The following EDARADD variants were observed in gnomAD, a reference collection of about 807,000 sequenced individuals.
EDARADD encodes the protein ectodysplasin-A receptor-associated adapter protein.
In EDARADD, 20 loss-of-function variants were observed where a neutral mutation model predicts 25.6. The observed-to-expected ratio is 0.78, with a 90% CI of 0.55 to 1.14. The LOEUF is 1.14. EDARADD is among the 50% of genes most tolerant of loss of function. The pLI is 0.00. For missense variants in EDARADD, 225 were observed against 270.1 expected, an observed-to-expected ratio of 0.83 and a Z score of 1.17; for synonymous variants, 86 against 94.4, an observed-to-expected ratio of 0.91 and a Z score of 0.52.
intron 3 of EDARADD, among the ~76,000 whole-genome samples, chr1:236,359,137 C>T (rs1485825751): frequency 6.6e-6 from 1 of 152,110 alleles, no homozygotes; most frequent in Non-Finnish European, 1.5e-5. Context: ...TTTTTGGAAC[C>T]TTTTTGTCCT....
At chr1:236,464,811 C>T (rs1278345708) in intron 4 of EDARADD, among the ~76,000 whole-genome samples, 1 of 152,142 alleles carries the variant, frequency 6.6e-6, no homozygotes, top group Admixed American at 6.6e-5. Flanking sequence ...CCTTTCGTTC[C>T]TTCCTCTGCC....
chr1:236,377,671 A>G (rs944641929), intron 3 of EDARADD, among the ~76,000 whole-genome samples: 10 of 151,326 alleles, frequency 6.6e-5, no homozygotes, highest in Admixed American at 5.3e-4. Flanking sequence ...CATCCTGGCC[A>G]ACATGGTGAA....
At chr1:236,468,552 G>A (rs1048833876) in intron 5 of EDARADD, among the ~76,000 whole-genome samples, 13 of 151,970 alleles carry the variant, frequency 8.6e-5, no homozygotes, top group African/African-American at 1.9e-4. Flanking sequence ...CCCGGGAGGC[G>A]GAGGTTGCAG....
intron 3 of EDARADD, among the ~76,000 whole-genome samples, chr1:236,426,038 C>T (rs192896285): frequency 1.8e-3 from 280 of 151,940 alleles, no homozygotes; most frequent in African/African-American, 6.4e-3. Context: ...AGTGCAGTGG[C>T]ATGATCGATC....
intron 3 of EDARADD, among the ~76,000 whole-genome samples, chr1:236,369,594 C>A (rs915906743): frequency 5.9e-5 from 9 of 152,086 alleles, no homozygotes; most frequent in African/African-American, 1.2e-4. Flanking sequence ...GTAATCCCAG[C>A]ACTTTGGGGG....
intron 4 of EDARADD, among the ~76,000 whole-genome samples, chr1:236,466,355 C>T (rs745825195): frequency 8.6e-5 from 13 of 151,944 alleles, no homozygotes; most frequent in Non-Finnish European, 1.6e-4. Context: ...GATTTCTATC[C>T]GTTCAGAGAC....
chr1:236,466,597 G>A (rs1160314287), intron 4 of EDARADD, among the ~76,000 whole-genome samples: 1 of 152,140 alleles, frequency 6.6e-6, no homozygotes, highest in Non-Finnish European at 1.5e-5. Context: ...AGATTACTTA[G>A]GAGAAAAGTC....
intron 3 of EDARADD, among the ~76,000 whole-genome samples, chr1:236,368,774 T>G (rs941970208): frequency 3.9e-5 from 6 of 152,184 alleles, no homozygotes; most frequent in Non-Finnish European, 7.3e-5. Context: ...TTTTACCTCT[T>G]GTTAGTCTTG....
chr1:236,371,224 T>C (rs1316923202), intron 3 of EDARADD, among the ~76,000 whole-genome samples: 1 of 152,222 alleles, frequency 6.6e-6, no homozygotes, highest in Non-Finnish European at 1.5e-5. Context: ...AATTCTACTT[T>C]TTCATTGCTG....
At chr1:236,361,635 T>TTATATATATATATATATATA (rs146661697) in intron 3 of EDARADD, among the ~76,000 whole-genome samples, 2,025 of 134,026 alleles carry the variant, frequency 0.015, 47 homozygotes, top group East Asian at 0.034. Flanking sequence ...CAGCCAAATT[T>TTATATATATATATATATATA]TATATATATA....
In EDARADD at chr1:236,453,463, G is replaced by A. The variant is rs974143261; in HGVS notation, c.220-14768G>A. On this transcript the variant is annotated intron_variant, in intron 4 of 5. Coordinates refer to ENST00000334232, the MANE Select transcript of EDARADD (RefSeq NM_145861.4). The stretch of plus-strand genomic sequence containing the variant: ...AGGTTAATTATTGTATTTCTAGTAG[G>A]GATGGGGTTTCGACACATTGGCTGG... Among the ~76,000 whole-genome samples the A allele has an allele frequency of 3.9e-5, 6 of 151,950 alleles. No individual in the cohort carries two copies. The South Asian group carries it at 1.2e-3, about 32-fold the overall frequency.
intron 4 of EDARADD, among the ~76,000 whole-genome samples, chr1:236,436,369 C>G (rs1041772474): frequency 5.9e-5 from 9 of 152,170 alleles, no homozygotes; most frequent in Middle Eastern, 3.4e-3. Context: ...ACCATATCGG[C>G]CAGACTGGTC....
At chr1:236,350,615 T>A (rs1287632622) in intron 2 of EDARADD, 1 of 152,240 alleles carries the variant, frequency 6.6e-6, no homozygotes, top group Non-Finnish European at 1.5e-5. Context: ...GCGGTTGGCT[T>A]GGTAGACAGA....
chr1:236,377,721 G>T (rs1572115689), intron 3 of EDARADD, among the ~76,000 whole-genome samples: 2 of 151,856 alleles, frequency 1.3e-5, no homozygotes, highest in South Asian at 4.2e-4. Flanking sequence ...AGCTGGGCAT[G>T]GTGGCGCATG....
chr1:236,369,870 A>T (rs911509250), intron 3 of EDARADD, among the ~76,000 whole-genome samples: 3 of 151,906 alleles, frequency 2.0e-5, no homozygotes, highest in African/African-American at 7.3e-5. Context: ...AAAAATTGTT[A>T]TCATATTTCA....
intron 3 of EDARADD, among the ~76,000 whole-genome samples, chr1:236,376,257 T>C (rs1667225001): frequency 6.6e-6 from 1 of 152,172 alleles, no homozygotes; most frequent in African/African-American, 2.4e-5. Context: ...TTTCGAAAGA[T>C]CTTCCTTTCT....
intron 1 of EDARADD, among the ~76,000 whole-genome samples, chr1:236,396,640 G>T (rs991848432): frequency 2.0e-5 from 3 of 152,012 alleles, no homozygotes; most frequent in Non-Finnish European, 4.4e-5. Flanking sequence ...AACTAAGTTG[G>T]CATTGTGATG....
intron 5 of EDARADD, among the ~76,000 whole-genome samples, chr1:236,475,719 G>A (rs933276826): frequency 6.6e-6 from 1 of 151,682 alleles, no homozygotes; most frequent in Admixed American, 6.6e-5. Context: ...AGTCGAGATC[G>A]CACCATTGCA....
At chr1:236,474,273 C>T (rs952049392) in intron 5 of EDARADD, among the ~76,000 whole-genome samples, 2 of 152,126 alleles carry the variant, frequency 1.3e-5, no homozygotes, top group South Asian at 2.1e-4. Context: ...TGACAGTTAC[C>T]GTGATGATAA....
Sources: gnomAD v4.1 joint callset for allele counts (sites outside exome capture counted in the v4.1 genomes callset) on GRCh38, gnomAD v4.1.1 for gene constraint, MANE v1.5 for transcripts, NCBI Gene and HGNC (gene_info 2026-07-23, HGNC 2026-07-21) for gene names.